The following PLB1 variants were observed in gnomAD, a reference collection of about 807,000 sequenced individuals.
PLB1 encodes phospholipase B1, membrane-associated.
A neutral mutation model predicts 227.4 loss-of-function variants in PLB1; 242 were observed. The observed-to-expected ratio is 1.06, with a 90% CI of 0.96 to 1.18. The LOEUF (loss-of-function observed/expected upper bound fraction) is 1.18. Among genes scored for constraint, PLB1 ranks in the 50% most tolerant of loss-of-function variants. The pLI is 0.00. For missense variants in PLB1, 1,858 were observed against 1,816.3 expected (o/e 1.02, Z -0.42); for synonymous variants, 757 against 682.2 (o/e 1.11, Z -1.71).
chr2:28,508,848 A>G (rs1455880590), intron 1 of PLB1, among the ~76,000 whole-genome samples: 1 of 152,180 alleles, frequency 6.6e-6, no homozygotes, highest in Non-Finnish European at 1.5e-5. Flanking sequence ...CAACTTTTCA[A>G]AGAGCCCAAG....
At chr2:28,510,747 A>T (rs1285484909) in intron 1 of PLB1, among the ~76,000 whole-genome samples, 1 of 139,652 alleles carries the variant, frequency 7.2e-6, no homozygotes, top group Non-Finnish European at 1.5e-5. Context: ...AGTAGCTGGG[A>T]CTATAGGCAT....
rs116370780 is a variant in PLB1 at position 28,549,812 on chromosome 2, A to G, written c.1009-198A>G. Among the ~76,000 whole-genome samples, 1,096 of 152,316 alleles carry G rather than the reference A, an allele frequency of 7.2e-3. 15 individuals carry two copies. The highest frequency in any genetic ancestry group is 0.025 in the African/African-American group (1,040 of 41,560). Reference sequence around the variant, plus strand: ...GGGTAAAGAGCAAGAGAGACTGGCTATCACAAATGGGAAATGTCAACGCAT... The same window carrying G: ...GGGTAAAGAGCAAGAGAGACTGGCTGTCACAAATGGGAAATGTCAACGCAT... On this transcript the variant is annotated intron_variant, in intron 15 of 57. Transcript: ENST00000327757.
chr2:28,615,733 C>G (rs977235614), intron 44 of PLB1, among the ~76,000 whole-genome samples: 4 of 152,180 alleles, frequency 2.6e-5, no homozygotes, highest in African/African-American at 9.7e-5. Context: ...GTAGAGTGGG[C>G]ACTGCACTAA....
chr2:28,541,185 TTAAATAAA>T (rs35262780), intron 12 of PLB1, among the ~76,000 whole-genome samples: 2 of 149,994 alleles, frequency 1.3e-5, no homozygotes, highest in African/African-American at 2.5e-5. Flanking sequence ...AATAAATAAA[TTAAATAAA>T]TAAATAAATA....
chr2:28,539,586 T>C (rs1194027394), intron 11 of PLB1, among the ~76,000 whole-genome samples: 1 of 152,100 alleles, frequency 6.6e-6, no homozygotes, highest in Non-Finnish European at 1.5e-5. Context: ...TTTCTGAAAA[T>C]GTTCATAGAC....
At chr2:28,575,445 T>G (rs1315991752) in intron 21 of PLB1, among the ~76,000 whole-genome samples, 5 of 152,210 alleles carry the variant, frequency 3.3e-5, no homozygotes, top group Admixed American at 1.3e-4. Flanking sequence ...GTTCCTAGAT[T>G]TCCTGACATC....
chr2:28,537,775 G>A (rs985487070), intron 9 of PLB1, among the ~76,000 whole-genome samples: 2 of 151,508 alleles, frequency 1.3e-5, no homozygotes, highest in African/African-American at 4.9e-5. Context: ...CGTGGGAGAT[G>A]TCTTTAAATA....
chr2:28,559,714 C>T (rs1403918890), intron 17 of PLB1, among the ~76,000 whole-genome samples: 1 of 149,834 alleles, frequency 6.7e-6, no homozygotes, highest in South Asian at 2.1e-4. Flanking sequence ...ATCATCTCAC[C>T]CTGTGTTTCA....
At chr2:28,535,776 C>T (rs1671600320) in intron 9 of PLB1, among the ~76,000 whole-genome samples, 1 of 152,072 alleles carries the variant, frequency 6.6e-6, no homozygotes, top group Non-Finnish European at 1.5e-5. Context: ...CAAAAATTAG[C>T]TGGGTGTGGT....
intron 50 of PLB1, among the ~76,000 whole-genome samples, chr2:28,626,188 G>T (rs1417829650): frequency 6.6e-6 from 1 of 151,822 alleles, no homozygotes; most frequent in African/African-American, 2.4e-5. Flanking sequence ...TGGAGACGGG[G>T]TTTCATCATG....
At chr2:28,566,727 A>C in intron 19 of PLB1, 69 bp from the exon 20 acceptor site, 2 of 1,546,288 alleles carry the variant, frequency 1.3e-6, no homozygotes, top group Non-Finnish European at 1.8e-6. Context: ...GTTTCTGGCT[A>C]GTGTCTGAAG....
At chr2:28,580,713 CA>C (rs35119977) in intron 23 of PLB1, among the ~76,000 whole-genome samples, 57,213 of 137,652 alleles carry the variant, frequency 0.42, 11,463 homozygotes, top group African/African-American at 0.55. Flanking sequence ...GACTCCATCT[CA>C]AAAAAAAAAA....
At chr2:28,551,230 C>T (rs1674196667) in intron 16 of PLB1, among the ~76,000 whole-genome samples, 1 of 151,654 alleles carries the variant, frequency 6.6e-6, no homozygotes, top group Admixed American at 6.6e-5. Context: ...GCTCGAAAGC[C>T]CTTGAGTGGG....
Position 28,541,742 on chromosome 2 carries a change from C to T in PLB1, c.810C>T (p.Tyr270=), listed in dbSNP as rs752798410. 14 of 1,614,074 alleles carry T rather than the reference C, an allele frequency of 8.7e-6. 1 individual carries two copies. In the South Asian group the frequency reaches 1.4e-4, roughly 16 times the overall value. Residue 270 remains tyrosine, a synonymous_variant, in exon 13 of 58, where the codon TAC becomes TAT. Transcript: ENST00000327757. ...AWNSLLASSR[Y]SEQESFTVVF... ...ACAGCCTCCTGGCCTCCAGCAGGTA[C>T]AGTGAGCAGGAGTCCTTCACCGTGG...
rs1357441910 is a variant in PLB1 at position 28,620,604 on chromosome 2, G to A, written c.3388G>A (p.Gly1130Arg). The A allele has an allele frequency of 6.2e-7, 1 of 1,613,518 alleles. No individual in the cohort carries two copies. Among genetic ancestry groups the A allele is most frequent in the Non-Finnish European group, 8.5e-7 (1 of 1,179,848 alleles). Residue 1130 changes from glycine to arginine, a missense_variant, in exon 48 of 58, where the codon GGA becomes AGA. Gly to Arg is a moderately radical substitution (Grantham distance 125, BLOSUM62 -2). Coordinates refer to ENST00000327757, the MANE Select transcript of PLB1 (RefSeq NM_153021.5). ...TSWRGLSWSIGGDGNLETHTT... is the reference protein window; with the variant it reads ...TSWRGLSWSIRGDGNLETHTT... ...AATATGCTTTCTCCTCCCCAGCATTGGAGGGGATGGGAACTTGGAGACTCA... is the reference window on the plus strand; with the variant it reads ...AATATGCTTTCTCCTCCCCAGCATTAGAGGGGATGGGAACTTGGAGACTCA...
intron 22 of PLB1, among the ~76,000 whole-genome samples, chr2:28,579,332 A>G (rs1225643981): frequency 6.6e-6 from 1 of 152,192 alleles, no homozygotes; most frequent in Non-Finnish European, 1.5e-5. Flanking sequence ...CTGGAGATGG[A>G]GGAACAGAGC....
intron 56 of PLB1, among the ~76,000 whole-genome samples, chr2:28,634,178 C>CA (rs1429373975): frequency 1.3e-5 from 2 of 152,194 alleles, no homozygotes; most frequent in African/African-American, 4.8e-5. Context: ...CTGTGGACAT[C>CA]ACGTACCTGC....
Position 28,593,746 on chromosome 2 carries a change from G to A in PLB1, c.2313G>A (p.Leu771=), listed in dbSNP as rs561582042. The change falls in exon 33 of 58, where the codon CTG becomes CTA. Residue 771 remains leucine (L), a synonymous_variant. Transcript: ENST00000327757. ...ATGTCACCACACAGTATCGGGGACT[G>A]TCATACAGGTAATGTTAACCTTTGA... is the stretch of plus-strand genomic sequence containing the variant. ...LPDVTTQYRG[L]SYSAGGDGSL... The A allele has an allele frequency of 1.9e-6, 3 of 1,613,838 alleles. No homozygotes were observed. The South Asian group carries it at 3.3e-5, about 18-fold the overall frequency.
At chr2:28,591,943 A>G (rs1682027784) in intron 31 of PLB1, among the ~76,000 whole-genome samples, 183 bp downstream of exon 31, 1 of 152,176 alleles carries the variant, frequency 6.6e-6, no homozygotes, top group South Asian at 2.1e-4. Flanking sequence ...TGGTGACACC[A>G]TGCCCAGCAG....
Sources: allele counts gnomAD v4.1 joint callset (sites outside exome capture counted in the v4.1 genomes callset), GRCh38; gene constraint gnomAD v4.1.1; transcripts MANE v1.5; gene names NCBI Gene and HGNC (gene_info 2026-07-23, HGNC 2026-07-21).